MTRF1: variants seen among roughly 807,000 people sequenced by gnomAD.
The protein encoded by MTRF1 is mitochondrial translation release factor 1.
Under a neutral mutation model 62.9 loss-of-function variants are expected in MTRF1, and 51 were observed. The observed-to-expected ratio is 0.81, with a 90% confidence interval of 0.65 to 1.02. The LOEUF (loss-of-function observed/expected upper bound fraction) is 1.02, where lower values mean the gene tolerates loss of function less well. Among genes scored for constraint, MTRF1 ranks in the 50% least tolerant of loss-of-function variants. The probability of loss-of-function intolerance (pLI) is 0.00; values close to 1 mark genes in which losing one functional copy is unlikely to be tolerated. For missense variants in MTRF1, 446 were observed against 530.0 expected (o/e 0.84, Z 1.56); for synonymous variants, 158 against 181.9 (o/e 0.87, Z 1.06).
the MTRF1 span, among the ~76,000 whole-genome samples, chr13:41,282,544 G>A: frequency 6.6e-6 from 1 of 152,144 alleles, no homozygotes; most frequent in African/African-American, 2.4e-5. Flanking sequence ...TCCCTTAAAA[G>A]CCCCAGATCT....
rs375616790 is a variant in MTRF1, at chr13:41,249,488, C to T, written c.697+3157G>A. Among the ~76,000 whole-genome samples, 6 of 151,976 alleles carry T rather than the reference C, an allele frequency of 3.9e-5. No homozygotes were observed. In the East Asian group the frequency reaches 5.8e-4, roughly 15 times the overall value. ...CCTGGGAGGCGGAGCTTGCAGTGAGCTGATATCACGCCACTGCACTCCAGC... is the reference window on the plus strand; with the variant it reads ...CCTGGGAGGCGGAGCTTGCAGTGAGTTGATATCACGCCACTGCACTCCAGC... On this transcript the variant is annotated intron_variant, in intron 5 of 9. Transcript: ENST00000379480.
At chr13:41,274,038 AG>A in the MTRF1 span, among the ~76,000 whole-genome samples, 1 of 152,240 alleles carries the variant, frequency 6.6e-6, no homozygotes, top group Admixed American at 6.5e-5. Flanking sequence ...TAGTGAGACC[AG>A]GGGTGACTTT....
chr13:41,245,862 G>A (rs182338731), intron 5 of MTRF1, among the ~76,000 whole-genome samples: 8 of 152,086 alleles, frequency 5.3e-5, no homozygotes, highest in Non-Finnish European at 5.9e-5. Context: ...CCCTGGCTTT[G>A]GATTAGATCT....
the MTRF1 span, among the ~76,000 whole-genome samples, chr13:41,287,324 T>G: frequency 0.61 from 93,300 of 151,910 alleles, 31,366 homozygotes; most frequent in South Asian, 0.76. Context: ...GAGGATGGAG[T>G]AGGTGCAACA....
chr13:41,250,427 A>G (rs2038920974), intron 5 of MTRF1, among the ~76,000 whole-genome samples: 1 of 152,102 alleles, frequency 6.6e-6, no homozygotes, highest in African/African-American at 2.4e-5. Context: ...GCTGACAGGT[A>G]TCAAATAGCT....
chr13:41,268,560 G>T (rs1050008728), upstream of MTRF1, among the ~76,000 whole-genome samples: 1 of 151,666 alleles, frequency 6.6e-6, no homozygotes, highest in African/African-American at 2.4e-5. Flanking sequence ...AAAAATGAAA[G>T]AAAAGAAAAA....
chr13:41,283,951 T>A, the MTRF1 span, among the ~76,000 whole-genome samples: 1 of 152,098 alleles, frequency 6.6e-6, no homozygotes, highest in Non-Finnish European at 1.5e-5. Flanking sequence ...ATGCCTCCTG[T>A]TTTACAGCAC....
the MTRF1 span, among the ~76,000 whole-genome samples, chr13:41,280,031 A>G: frequency 6.6e-6 from 1 of 152,102 alleles, no homozygotes; most frequent in African/African-American, 2.4e-5. Flanking sequence ...TCCGTCTCCC[A>G]GGTTCAAGTG....
intron 2 of MTRF1, among the ~76,000 whole-genome samples, chr13:41,255,759 A>C (rs1229979421): frequency 6.6e-6 from 1 of 152,180 alleles, no homozygotes; most frequent in Non-Finnish European, 1.5e-5. Flanking sequence ...TCCTGTATGG[A>C]GAAAATGGGC....
chr13:41,294,744 G>T, the MTRF1 span, among the ~76,000 whole-genome samples: 1 of 152,276 alleles, frequency 6.6e-6, no homozygotes, highest in African/African-American at 2.4e-5. Flanking sequence ...GGTACATATT[G>T]TCAGAGTACG....
At chr13:41,254,303 C>T (rs2184037) in intron 3 of MTRF1, among the ~76,000 whole-genome samples, 79,438 of 151,848 alleles carry the variant, frequency 0.52, 21,616 homozygotes, top group South Asian at 0.62. Flanking sequence ...TTAACAGACT[C>T]AACTTTGAAT....
At chr13:41,259,642 C>T (rs1199178625) in intron 2 of MTRF1, among the ~76,000 whole-genome samples, 1 of 145,002 alleles carries the variant, frequency 6.9e-6, no homozygotes, top group African/African-American at 2.6e-5. Flanking sequence ...GCGGAGCTTG[C>T]AGTGAGCCGA....
At chr13:41,254,647 T>C in intron 2 of MTRF1, 27 bp from the exon 3 acceptor site, 2 of 1,548,542 alleles carry the variant, frequency 1.3e-6, no homozygotes, top group East Asian at 2.2e-5. Context: ...GAAATAATGA[T>C]AAAGTTTTTA....
chr13:41,228,565 T>G (rs531137556), intron 7 of MTRF1, among the ~76,000 whole-genome samples: 4 of 152,058 alleles, frequency 2.6e-5, no homozygotes, highest in Admixed American at 6.6e-5. Context: ...CAAGACCCAG[T>G]CTCAAAAGAA....
At chr13:41,273,740 G>A in the MTRF1 span, among the ~76,000 whole-genome samples, 1 of 152,122 alleles carries the variant, frequency 6.6e-6, no homozygotes. Flanking sequence ...GGGAGGCTGA[G>A]GCAGGAGAAT....
intron 7 of MTRF1, among the ~76,000 whole-genome samples, chr13:41,231,099 C>G (rs2035474381): frequency 6.6e-6 from 1 of 152,146 alleles, no homozygotes. Context: ...TGAAATAAAA[C>G]TAGGTGATAT....
chr13:41,253,199 A>C (rs2039299908), intron 3 of MTRF1, among the ~76,000 whole-genome samples, 169 bp from the exon 4 acceptor site: 2 of 152,228 alleles, frequency 1.3e-5, no homozygotes. Context: ...TAGACCTAAA[A>C]TAGGTGATCA....
intron 2 of MTRF1, among the ~76,000 whole-genome samples, chr13:41,259,516 A>G (rs549527448): frequency 1.3e-5 from 2 of 152,106 alleles, no homozygotes; most frequent in East Asian, 3.9e-4. Context: ...CCTGGCCAAC[A>G]TGGTGAAACC....
intron 5 of MTRF1, among the ~76,000 whole-genome samples, chr13:41,246,113 C>T (rs2038219722): frequency 6.6e-6 from 1 of 152,166 alleles, no homozygotes; most frequent in Admixed American, 6.5e-5. Context: ...AACTGGCTCC[C>T]AAATTCCAGA....
Sources: gnomAD v4.1 joint callset for allele counts (sites outside exome capture counted in the v4.1 genomes callset) on GRCh38, gnomAD v4.1.1 for gene constraint, MANE v1.5 for transcripts, NCBI Gene and HGNC (gene_info 2026-07-23, HGNC 2026-07-21) for gene names.